MYRIP: variants seen among roughly 807,000 people sequenced by gnomAD.
The protein encoded by MYRIP is rab effector MyRIP.
MYRIP carries 49 observed loss-of-function variants against 98.0 expected under a neutral mutation model. That is an observed-to-expected ratio of 0.50 (90% CI 0.40 to 0.63). The LOEUF is 0.63. Among genes scored for constraint, MYRIP ranks in the 30% least tolerant of loss-of-function variants. MYRIP has a pLI of 0.00. For synonymous variants in MYRIP, 404 were observed against 409.5 expected (o/e 0.99, Z 0.16); for missense variants, 1,004 against 1,058.2 (o/e 0.95, Z 0.71).
At chr3:40,212,125 TAC>T in intron 11 of MYRIP, among the ~76,000 whole-genome samples, 1 of 39,698 alleles carries the variant, frequency 2.5e-5, no homozygotes, top group African/African-American at 5.1e-5. Flanking sequence ...TACATATATA[TAC>T]GTGTATATAT....
chr3:39,902,619 T>C (rs1022585144), intron 2 of MYRIP, among the ~76,000 whole-genome samples: 11 of 152,220 alleles, frequency 7.2e-5, no homozygotes, highest in African/African-American at 2.4e-4. Context: ...ATGTGTGGTT[T>C]GAAGAATCCA....
intron 10 of MYRIP, among the ~76,000 whole-genome samples, chr3:40,193,674 G>A (rs1295243906): frequency 6.6e-6 from 1 of 152,070 alleles, no homozygotes; most frequent in Non-Finnish European, 1.5e-5. Context: ...AATTTACATA[G>A]CCATAACAGT....
At chr3:39,871,053 T>A (rs1031659190) in intron 1 of MYRIP, among the ~76,000 whole-genome samples, 1 of 152,226 alleles carries the variant, frequency 6.6e-6, no homozygotes, top group Non-Finnish European at 1.5e-5. Flanking sequence ...ACAGGAGATT[T>A]ACTGTGATTC....
chr3:39,826,306 T>C (rs1941265457), intron 1 of MYRIP, among the ~76,000 whole-genome samples: 1 of 152,118 alleles, frequency 6.6e-6, no homozygotes, highest in South Asian at 2.1e-4. Context: ...TTTATTGCTA[T>C]GAACTTGAGT....
chr3:40,212,195 CAT>C (rs1951967328), intron 11 of MYRIP, among the ~76,000 whole-genome samples: 2 of 21,368 alleles, frequency 9.4e-5, no homozygotes, highest in Non-Finnish European at 2.8e-4. Flanking sequence ...TGTGTATATA[CAT>C]ATATATACGT....
intron 1 of MYRIP, among the ~76,000 whole-genome samples, chr3:39,816,222 C>T (rs147718536): frequency 0.016 from 2,493 of 152,146 alleles, 61 homozygotes; most frequent in African/African-American, 0.057. Context: ...GCTGGGACTA[C>T]AGGCGCCGGC....
At chr3:39,929,658 T>C (rs922500056) in intron 2 of MYRIP, among the ~76,000 whole-genome samples, 5 of 152,084 alleles carry the variant, frequency 3.3e-5, no homozygotes, top group African/African-American at 1.2e-4. Flanking sequence ...TCAGTGGTTT[T>C]TAGTATATTC....
chr3:40,008,508 C>T (rs1232923062), intron 2 of MYRIP, among the ~76,000 whole-genome samples: 1 of 152,110 alleles, frequency 6.6e-6, no homozygotes, highest in East Asian at 1.9e-4. Context: ...TCTCAGTTTC[C>T]TCTCCAGGGA....
chr3:40,155,514 G>A (rs975410703), intron 4 of MYRIP, among the ~76,000 whole-genome samples: 2 of 152,022 alleles, frequency 1.3e-5, no homozygotes, highest in African/African-American at 4.8e-5. Flanking sequence ...CCCAGTAATG[G>A]GATGGCTGGG....
intron 1 of MYRIP, among the ~76,000 whole-genome samples, chr3:39,896,235 A>G (rs950642671): frequency 3.3e-5 from 5 of 152,258 alleles, no homozygotes; most frequent in African/African-American, 1.2e-4. Context: ...TTGCCAGGAC[A>G]GAGGCTCTGA....
chr3:39,847,053 T>C (rs1941985651), intron 1 of MYRIP, among the ~76,000 whole-genome samples: 1 of 152,214 alleles, frequency 6.6e-6, no homozygotes, highest in Non-Finnish European at 1.5e-5. Flanking sequence ...CAAAGTTTAA[T>C]GCCAAGCTCA....
At chr3:39,980,602 G>C (rs36037270) in intron 2 of MYRIP, among the ~76,000 whole-genome samples, 10,243 of 152,294 alleles carry the variant, frequency 0.067, 525 homozygotes, top group Non-Finnish European at 0.093. Context: ...GGGGGATCTG[G>C]TGCCTGCTCT....
At chr3:40,170,300 A>G (rs1266072258) in intron 8 of MYRIP, among the ~76,000 whole-genome samples, 1 of 152,260 alleles carries the variant, frequency 6.6e-6, no homozygotes, top group East Asian at 1.9e-4. Context: ...ATTGATAATT[A>G]TAGAGATAGA....
chr3:39,875,028 T>A (rs1942942193), intron 1 of MYRIP, among the ~76,000 whole-genome samples: 1 of 152,196 alleles, frequency 6.6e-6, no homozygotes, highest in Non-Finnish European at 1.5e-5. Context: ...ATACTGTTAT[T>A]GGTCTATTCA....
At chr3:40,096,292 G>A (rs901245941) in intron 3 of MYRIP, among the ~76,000 whole-genome samples, 1 of 152,154 alleles carries the variant, frequency 6.6e-6, no homozygotes, top group Non-Finnish European at 1.5e-5. Context: ...CACAGTCACT[G>A]TGACAGCGGT....
chr3:39,992,140 A>T (rs1946194614), intron 2 of MYRIP, among the ~76,000 whole-genome samples: 1 of 152,102 alleles, frequency 6.6e-6, no homozygotes, highest in African/African-American at 2.4e-5. Context: ...AACCCAAGAA[A>T]TTGGTCACAA....
chr3:40,240,334 T>TGA (rs1952968480), intron 12 of MYRIP, among the ~76,000 whole-genome samples: 1 of 152,194 alleles, frequency 6.6e-6, no homozygotes, highest in African/African-American at 2.4e-5. Context: ...GCTCCCAGCG[T>TGA]GAGCGATGCA....
chr3:39,833,989 A>G (rs563932295), intron 1 of MYRIP, among the ~76,000 whole-genome samples: 1 of 152,334 alleles, frequency 6.6e-6, no homozygotes, highest in Admixed American at 6.5e-5. Flanking sequence ...AGATTGCACC[A>G]TTGCATTCCA....
chr3:39,955,603 G>A (rs1016239774), intron 2 of MYRIP, among the ~76,000 whole-genome samples: 1 of 152,162 alleles, frequency 6.6e-6, no homozygotes, highest in African/African-American at 2.4e-5. Context: ...TTGATGCTAG[G>A]AAGAAACTGC....
Sources: allele counts gnomAD v4.1 joint callset (sites outside exome capture counted in the v4.1 genomes callset), GRCh38; gene constraint gnomAD v4.1.1; transcripts MANE v1.5; gene names NCBI Gene and HGNC (gene_info 2026-07-23, HGNC 2026-07-21).